Variants in CNTNAP2 observed in about 807,000 individuals in gnomAD.
The protein encoded by CNTNAP2 is contactin associated protein 2.
Under a neutral mutation model 155.2 loss-of-function variants are expected in CNTNAP2, and 98 were observed. The observed-to-expected ratio is 0.63, with a 90% CI of 0.54 to 0.75. The LOEUF (loss-of-function observed/expected upper bound fraction) is 0.75. CNTNAP2 is among the 30% of genes least tolerant of loss of function. The pLI is 0.00. For synonymous variants in CNTNAP2, 651 were observed against 631.2 expected, an observed-to-expected ratio of 1.03 and a Z score of -0.47; for missense variants, 1,727 against 1,688.1, an observed-to-expected ratio of 1.02 and a Z score of -0.40.
intron 21 of CNTNAP2, among the ~76,000 whole-genome samples, chr7:148,268,469 C>G (rs753370374): frequency 6.6e-6 from 1 of 151,760 alleles, no homozygotes; most frequent in Non-Finnish European, 1.5e-5. Flanking sequence ...CTGGCTAACA[C>G]GGTGAAACCC....
intron 1 of CNTNAP2, among the ~76,000 whole-genome samples, chr7:146,756,009 A>T (rs1228523759): frequency 6.6e-6 from 1 of 151,946 alleles, no homozygotes; most frequent in Non-Finnish European, 1.5e-5. Flanking sequence ...AGGCTTCATT[A>T]GTTGACATGC....
chr7:146,527,582 C>T (rs918540592), intron 1 of CNTNAP2, among the ~76,000 whole-genome samples: 7 of 150,288 alleles, frequency 4.7e-5, no homozygotes, highest in African/African-American at 1.8e-4. Context: ...GATGATTTCA[C>T]ATTAATTTTC....
chr7:147,740,243 G>A (rs541880822), intron 13 of CNTNAP2, among the ~76,000 whole-genome samples: 3 of 146,086 alleles, frequency 2.1e-5, no homozygotes, highest in Non-Finnish European at 4.5e-5. Flanking sequence ...TTTTCTAAGA[G>A]TGTGATATGT....
chr7:146,509,022 A>G (rs2129134874), intron 1 of CNTNAP2, among the ~76,000 whole-genome samples: 1 of 152,278 alleles, frequency 6.6e-6, no homozygotes, highest in Non-Finnish European at 1.5e-5. Flanking sequence ...CACCCTGCAC[A>G]CAGATTGACA....
chr7:146,320,284 C>T (rs901397447), intron 1 of CNTNAP2, among the ~76,000 whole-genome samples: 1 of 151,966 alleles, frequency 6.6e-6, no homozygotes, highest in African/African-American at 2.4e-5. Context: ...GGTTTTGTTT[C>T]TGTTTTGTGT....
rs1015640673 is a variant in CNTNAP2 at position 146,987,853 on chromosome 7, G to T, written c.403-56054G>T. The stretch of plus-strand genomic sequence containing the variant: ...GTTCAGTACAATGGTTAACAATAAG[G>T]TGGTTATAACTATTTTATAATCATC... On this transcript the variant is annotated intron_variant, in intron 3 of 23. Transcript: ENST00000361727. Among the ~76,000 whole-genome samples, 11 of 152,108 alleles carry T rather than the reference G, an allele frequency of 7.2e-5. No individual in the cohort carries two copies. In the South Asian group the frequency reaches 1.0e-3, roughly 14 times the overall value.
chr7:146,708,657 C>T (rs748017862), intron 1 of CNTNAP2, among the ~76,000 whole-genome samples: 2 of 110,784 alleles, frequency 1.8e-5, no homozygotes, highest in East Asian at 3.2e-4. Context: ...AGTGTGGTGG[C>T]GTGATCTCAT....
intron 1 of CNTNAP2, among the ~76,000 whole-genome samples, chr7:146,399,979 G>C (rs1563070220): frequency 6.6e-6 from 1 of 151,902 alleles, no homozygotes. Flanking sequence ...TGTCTTTCTG[G>C]GAAAACTGAA....
intron 13 of CNTNAP2, among the ~76,000 whole-genome samples, chr7:147,875,571 G>C (rs13234998): frequency 0.14 from 21,433 of 151,880 alleles, 1,597 homozygotes; most frequent in African/African-American, 0.19. Context: ...AATAGACCTG[G>C]GGAAAATAAA....
At chr7:146,662,816 T>A (rs542136359) in intron 1 of CNTNAP2, among the ~76,000 whole-genome samples, 76 of 152,312 alleles carry the variant, frequency 5.0e-4, no homozygotes, top group African/African-American at 1.6e-3. Flanking sequence ...AACATTTTTT[T>A]AAATACCATA....
intron 1 of CNTNAP2, among the ~76,000 whole-genome samples, chr7:146,445,510 T>G (rs550592694): frequency 6.6e-6 from 1 of 152,308 alleles, no homozygotes; most frequent in Admixed American, 6.5e-5. Flanking sequence ...AGTGGAAGAC[T>G]TAAGTACAGG....
intron 21 of CNTNAP2, among the ~76,000 whole-genome samples, chr7:148,345,768 A>C (rs1290220757): frequency 6.6e-6 from 1 of 151,956 alleles, no homozygotes; most frequent in Non-Finnish European, 1.5e-5. Flanking sequence ...TTGGATCTTC[A>C]ATTGTCTTTG....
chr7:146,896,046 T>G (rs1246371138), intron 3 of CNTNAP2, among the ~76,000 whole-genome samples: 2 of 152,166 alleles, frequency 1.3e-5, no homozygotes, highest in Non-Finnish European at 2.9e-5. Flanking sequence ...ATTTTTCTTT[T>G]AAATTTAAGG....
intron 15 of CNTNAP2, among the ~76,000 whole-genome samples, chr7:148,015,975 G>A (rs899425389): frequency 1.3e-5 from 2 of 152,140 alleles, no homozygotes; most frequent in Non-Finnish European, 2.9e-5. Flanking sequence ...TCTAATGAAA[G>A]GGGTACTTAG....
At chr7:147,320,189 G>T (rs1795323295) in intron 9 of CNTNAP2, among the ~76,000 whole-genome samples, 2 of 152,132 alleles carry the variant, frequency 1.3e-5, no homozygotes, top group Admixed American at 1.3e-4. Flanking sequence ...CAGGAAGAAA[G>T]AAGTGAAAAG....
At chr7:147,244,433 A>G (rs1235764470) in intron 8 of CNTNAP2, among the ~76,000 whole-genome samples, 3 of 152,240 alleles carry the variant, frequency 2.0e-5, no homozygotes, top group Non-Finnish European at 4.4e-5. Flanking sequence ...AAATAGATAT[A>G]TAATTCTCAG....
chr7:146,774,191 A>G (rs546872812), intron 1 of CNTNAP2, 80 bp from the exon 2 acceptor site: 20 of 1,005,258 alleles, frequency 2.0e-5, no homozygotes, highest in Non-Finnish European at 2.8e-5. Flanking sequence ...AGATTCAATG[A>G]TTTTTTAACC....
intron 4 of CNTNAP2, among the ~76,000 whole-genome samples, chr7:147,058,938 C>T (rs552337001): frequency 1.3e-5 from 2 of 152,134 alleles, no homozygotes; most frequent in Non-Finnish European, 2.9e-5. Flanking sequence ...AGGAAGTAAA[C>T]GATGCAGGCC....
intron 21 of CNTNAP2, among the ~76,000 whole-genome samples, chr7:148,300,577 A>G (rs1585254219): frequency 2.6e-5 from 1 of 38,806 alleles, no homozygotes; most frequent in Non-Finnish European, 5.6e-5. Context: ...GCTAAGCAGG[A>G]AAAAAAAAAA....
Sources: gnomAD v4.1 joint callset for allele counts (sites outside exome capture counted in the v4.1 genomes callset) on GRCh38, gnomAD v4.1.1 for gene constraint, MANE v1.5 for transcripts, NCBI Gene and HGNC (gene_info 2026-07-23, HGNC 2026-07-21) for gene names.